Variants in KCNB2 observed in about 807,000 individuals in gnomAD.
KCNB2 encodes delayed rectifier potassium channel protein.
KCNB2 carries 15 observed loss-of-function variants against 61.5 expected under a neutral mutation model. The ratio of observed to expected loss-of-function variants is 0.24; its 90% CI spans 0.16 to 0.38. The LOEUF (loss-of-function observed/expected upper bound fraction) is 0.38. KCNB2 is among the 10% of genes least tolerant of loss of function. The pLI, the probability that KCNB2 is intolerant of heterozygous loss-of-function variation, is 1.00. For synonymous variants in KCNB2, 457 were observed against 446.0 expected (o/e 1.02, Z -0.31); for missense variants, 828 against 1,125.2 (o/e 0.74, Z 3.78).
intron 2 of KCNB2, among the ~76,000 whole-genome samples, chr8:72,712,245 G>A (rs1435770282): frequency 1.3e-5 from 2 of 152,176 alleles, no homozygotes; most frequent in African/African-American, 4.8e-5. Flanking sequence ...AGAGAAGAAG[G>A]AGCATATTTT....
Position 72,537,389 on chromosome 8 carries a change from G to A in KCNB2, c.-590G>A, listed in dbSNP as rs1585738911. ...CCCTCCGCCCTCCGCCCCCGCGGCC[G>A]CCGCCGCCGCTGCGCCTCGGGCAGC... On this transcript the variant is annotated 5_prime_UTR_variant, in exon 1 of 3. Transcript: ENST00000523207. The A allele has an allele frequency of 1.3e-5, 2 of 148,720 alleles. No individual in the cohort carries two copies. The highest frequency in any genetic ancestry group is 2.4e-5 in the African/African-American group (1 of 41,250). 9.2% of individuals were successfully genotyped at this position (148,720 alleles called of 1,614,324 possible). A position where few individuals can be genotyped will look rare whatever the true frequency, so the allele number is the denominator to read the frequency against.
At chr8:72,882,547 G>GAGAGAGAGAGAGAA (rs1805732679) in intron 2 of KCNB2, among the ~76,000 whole-genome samples, 4 of 151,544 alleles carry the variant, frequency 2.6e-5, no homozygotes, top group South Asian at 4.2e-4. Flanking sequence ...GAGAGAGAGA[G>GAGAGAGAGAGAGAA]AGAGAGAGAA....
At chr8:72,592,692 T>A (rs1807119716) in intron 2 of KCNB2, among the ~76,000 whole-genome samples, 1 of 152,178 alleles carries the variant, frequency 6.6e-6, no homozygotes, top group South Asian at 2.1e-4. Flanking sequence ...TATGAATGTG[T>A]ACGTTGAGAT....
chr8:72,797,922 T>C lies in KCNB2; in HGVS notation c.580-138013T>C, dbSNP rs551616737. 1.3e-4 allele frequency among the ~76,000 whole-genome samples: 20 copies of C among 152,236 alleles called. No homozygotes were observed. In the South Asian group the frequency reaches 3.9e-3, roughly 30 times the overall value. ...CATGACCAAAACTTTTAAAATTTTA[T>C]ATCTGTGTCTAACCATGTCTTAGAT... On this transcript the variant is annotated intron_variant, in intron 2 of 2. Transcript: ENST00000523207.
intron 2 of KCNB2, among the ~76,000 whole-genome samples, chr8:72,886,354 C>G (rs922973960): frequency 1.3e-5 from 2 of 152,202 alleles, no homozygotes; most frequent in African/African-American, 4.8e-5. Context: ...CTCTCAGTCT[C>G]TCTCTCTTTA....
rs1273559879 is a variant in KCNB2 at position 72,885,969 on chromosome 8, C to T, written c.580-49966C>T. ...CTTTGAGTGCCATCAAACCCCATCC[C>T]TCAACCCCAGGACTTCTAAACTAAC... On this transcript the variant is annotated intron_variant, in intron 2 of 2. Coordinates refer to ENST00000523207, the MANE Select transcript of KCNB2 (RefSeq NM_004770.3). Among the ~76,000 whole-genome samples, 3 of 152,098 alleles carry T rather than the reference C, an allele frequency of 2.0e-5. No individual in the cohort carries two copies. The East Asian group carries it at 5.8e-4, about 29-fold the overall frequency.
intron 2 of KCNB2, among the ~76,000 whole-genome samples, chr8:72,591,215 G>C (rs1266669645): frequency 6.6e-6 from 1 of 151,990 alleles, no homozygotes; most frequent in Non-Finnish European, 1.5e-5. Context: ...AGTTTCTTAG[G>C]CATTCGGAGG....
intron 2 of KCNB2, among the ~76,000 whole-genome samples, chr8:72,677,276 C>A (rs1039768135): frequency 6.6e-6 from 1 of 152,164 alleles, no homozygotes; most frequent in Non-Finnish European, 1.5e-5. Flanking sequence ...AACTGTGAGA[C>A]AATAAATGTG....
chr8:72,712,340 G>A (rs985945148), intron 2 of KCNB2, among the ~76,000 whole-genome samples: 1 of 152,196 alleles, frequency 6.6e-6, no homozygotes, highest in Non-Finnish European at 1.5e-5. Flanking sequence ...TTACTCACAG[G>A]TTCCTATTTC....
intron 2 of KCNB2, among the ~76,000 whole-genome samples, chr8:72,903,922 A>G (rs754648060): frequency 6.6e-6 from 1 of 152,188 alleles, no homozygotes; most frequent in Non-Finnish European, 1.5e-5. Context: ...ACGAGACTCC[A>G]TGCTAAAGGG....
chr8:72,904,559 T>G (rs1344132905), intron 2 of KCNB2, among the ~76,000 whole-genome samples: 1 of 152,070 alleles, frequency 6.6e-6, no homozygotes, highest in Non-Finnish European at 1.5e-5. Context: ...AAAAAAGAAA[T>G]TATTTAACAA....
At chr8:72,671,595 GCCAGCCATAATGCCTCCATCTT>G (rs1317527505) in intron 2 of KCNB2, among the ~76,000 whole-genome samples, 1 of 151,626 alleles carries the variant, frequency 6.6e-6, no homozygotes. Flanking sequence ...ACAGCAGACT[GCCAGCCATAATGCCTCCATCTT>G]CCATCCTTTC....
chr8:72,559,673 C>T (rs988693791), intron 1 of KCNB2, among the ~76,000 whole-genome samples: 2 of 152,168 alleles, frequency 1.3e-5, no homozygotes, highest in Non-Finnish European at 2.9e-5. Context: ...TGCCTGACTG[C>T]GGCCATTACC....
intron 1 of KCNB2, among the ~76,000 whole-genome samples, chr8:72,563,336 T>C (rs1026300125): frequency 6.6e-6 from 1 of 152,160 alleles, no homozygotes; most frequent in African/African-American, 2.4e-5. Context: ...TAAAGTTCAA[T>C]TAGCAATTGA....
rs577736592 is a variant in KCNB2, at chr8:72,820,790, T to C, written c.580-115145T>C. Among the ~76,000 whole-genome samples, 8 of 152,304 alleles carry C rather than the reference T, an allele frequency of 5.3e-5. No homozygotes were observed. The East Asian group carries it at 1.5e-3, about 29-fold the overall frequency. On this transcript the variant is annotated intron_variant, in intron 2 of 2. Coordinates refer to ENST00000523207, the MANE Select transcript of KCNB2 (RefSeq NM_004770.3). ...CTTCTGATCCTCTCTGTCAGATCAT[T>C]TTATAATAAACTTTCATTTTGATTC...
intron 2 of KCNB2, among the ~76,000 whole-genome samples, chr8:72,695,624 G>A (rs775356247): frequency 6.6e-6 from 1 of 152,168 alleles, no homozygotes; most frequent in African/African-American, 2.4e-5. Context: ...TTCAAAGGAA[G>A]AGGTTTCTTT....
intron 2 of KCNB2, among the ~76,000 whole-genome samples, chr8:72,628,655 CAT>C (rs1355223904): frequency 6.6e-6 from 1 of 152,142 alleles, no homozygotes; most frequent in Non-Finnish European, 1.5e-5. Context: ...CGCTGATAAA[CAT>C]GTGTTGCCCC....
intron 2 of KCNB2, among the ~76,000 whole-genome samples, chr8:72,931,115 T>C (rs2129009032): frequency 6.6e-6 from 1 of 152,312 alleles, no homozygotes; most frequent in South Asian, 2.1e-4. Context: ...TGTAGATGTG[T>C]GGTATTATTT....
At chr8:72,814,523 AG>A (rs1809359044) in intron 2 of KCNB2, among the ~76,000 whole-genome samples, 1 of 152,166 alleles carries the variant, frequency 6.6e-6, no homozygotes, top group Non-Finnish European at 1.5e-5. Context: ...TTATCGTTTT[AG>A]CCATGCTGTG....
Sources: allele counts gnomAD v4.1 joint callset (sites outside exome capture counted in the v4.1 genomes callset), GRCh38; gene constraint gnomAD v4.1.1; transcripts MANE v1.5; gene names NCBI Gene and HGNC (gene_info 2026-07-23, HGNC 2026-07-21).